The following TGFBRAP1 variants were observed in gnomAD, a reference collection of about 807,000 sequenced individuals.
TGFBRAP1 encodes the protein transforming growth factor beta receptor associated protein 1.
TGFBRAP1 carries 20 observed loss-of-function variants against 83.2 expected under a neutral mutation model. The ratio of observed to expected loss-of-function variants is 0.24; its 90% CI spans 0.17 to 0.35. The LOEUF is 0.35. TGFBRAP1 is among the 10% of genes least tolerant of loss of function. The pLI, the probability that TGFBRAP1 is intolerant of heterozygous loss-of-function variation, is 1.00. For missense variants in TGFBRAP1, 950 were observed against 1,099.4 expected (o/e 0.86, Z 1.92); for synonymous variants, 415 against 459.8 (o/e 0.90, Z 1.25).
At chr2:105,262,856 A>T (rs1676821957), downstream of TGFBRAP1, among the ~76,000 whole-genome samples, 1 of 152,186 alleles carries the variant, frequency 6.6e-6, no homozygotes, top group Admixed American at 6.5e-5. Flanking sequence ...ATCTCCCAAC[A>T]ACTGCTAAGC....
intron 1 of TGFBRAP1, among the ~76,000 whole-genome samples, chr2:105,312,242 A>T (rs1426053771): frequency 1.3e-5 from 2 of 152,202 alleles, no homozygotes; most frequent in African/African-American, 2.4e-5. Context: ...CAGGAAGATC[A>T]CTTGTGCCCA....
intron 1 of TGFBRAP1, among the ~76,000 whole-genome samples, chr2:105,314,940 ACT>A (rs1175059641): frequency 1.4e-5 from 2 of 139,256 alleles, no homozygotes; most frequent in Non-Finnish European, 1.6e-5. Flanking sequence ...ACAGAGCGAG[ACT>A]CTGTCTCAAA....
intron 1 of TGFBRAP1, among the ~76,000 whole-genome samples, chr2:105,312,577 G>C (rs1001523654): frequency 2.6e-5 from 4 of 152,106 alleles, no homozygotes; most frequent in African/African-American, 9.7e-5. Context: ...AATAGGACTA[G>C]AAAAATAAAT....
chr2:105,258,730 T>C, the TGFBRAP1 span, among the ~76,000 whole-genome samples: 7 of 140,612 alleles, frequency 5.0e-5, no homozygotes, highest in African/African-American at 1.1e-4. Flanking sequence ...TCCCCACCCC[T>C]ACACACACAC....
the TGFBRAP1 span, among the ~76,000 whole-genome samples, chr2:105,258,632 T>C: frequency 5.1e-4 from 77 of 152,126 alleles, no homozygotes; most frequent in Non-Finnish European, 8.1e-4. Context: ...CAGAAGCTGA[T>C]GGCAGAACAT....
chr2:105,291,845 G>A (rs1677928176), intron 4 of TGFBRAP1, among the ~76,000 whole-genome samples: 1 of 152,158 alleles, frequency 6.6e-6, no homozygotes, highest in Non-Finnish European at 1.5e-5. Context: ...TGCCAACATG[G>A]AGAAATTTGA....
At chr2:105,295,578 G>A (rs1373204440) in intron 4 of TGFBRAP1, among the ~76,000 whole-genome samples, 1 of 151,934 alleles carries the variant, frequency 6.6e-6, no homozygotes, top group Non-Finnish European at 1.5e-5. Context: ...TTTGGGAGGC[G>A]GAGGCGGGTG....
At chr2:105,293,008 A>G (rs1323791568) in intron 4 of TGFBRAP1, among the ~76,000 whole-genome samples, 43 of 152,282 alleles carry the variant, frequency 2.8e-4, no homozygotes, top group Non-Finnish European at 1.5e-5. Flanking sequence ...ATTAAAAAAA[A>G]AAAGCAAAAA....
Position 105,273,572 on chromosome 2 carries a change from T to C in TGFBRAP1, c.1784A>G (p.Glu595Gly). The C allele has an allele frequency of 6.2e-7, 1 of 1,614,228 alleles. No individual in the cohort carries two copies. Among genetic ancestry groups the C allele is most frequent in the East Asian group, 2.2e-5 (1 of 44,882 alleles). The change falls in exon 9 of 12, where the codon GAA becomes GGA. Residue 595 changes from glutamate (E) to glycine (G), a missense_variant. By Grantham distance (98) the Glu-to-Gly change is moderately conservative. Transcript: ENST00000393359. ...KYPKALVKYL[E>G]HLVIDKRLQK... ...CAGTCTCTTGTCTATCACAAGATGT[T>C]CCAGATACTTCACAAGGGCTTTAGG...
chr2:105,287,082 T>G (rs1357826393), intron 4 of TGFBRAP1, among the ~76,000 whole-genome samples: 1 of 152,052 alleles, frequency 6.6e-6, no homozygotes, highest in Non-Finnish European at 1.5e-5. Context: ...ACGTGCTCAG[T>G]GAAGTCAGCC....
chr2:105,282,562 T>C (rs889482477), intron 5 of TGFBRAP1, among the ~76,000 whole-genome samples: 5 of 152,202 alleles, frequency 3.3e-5, no homozygotes, highest in Admixed American at 1.3e-4. Context: ...TAGTGGCTCA[T>C]GGCTGTGATC....
At position 105,269,102 on chromosome 2, in the gene TGFBRAP1, C is replaced by T. The variant is rs1486345208; in HGVS notation, c.2406+170G>A. On this transcript the variant is annotated intron_variant, in intron 11 of 11. Coordinates refer to ENST00000393359, the MANE Select transcript of TGFBRAP1 (RefSeq NM_004257.6). This position sits in a 1 kb window ranked among gnomAD's most constrained non-coding sequence, Gnocchi z 4.1. ...GTTACACCTACCAGCCCAGCCTCTGCCTCTGCTCACACAGACCTCAGTTTC... is the reference window on the plus strand; with the variant it reads ...GTTACACCTACCAGCCCAGCCTCTGTCTCTGCTCACACAGACCTCAGTTTC... 6.6e-6 allele frequency among the ~76,000 whole-genome samples: 1 copy of T among 152,196 alleles called. No homozygotes were observed.
the TGFBRAP1 span, among the ~76,000 whole-genome samples, chr2:105,250,535 C>T: frequency 1.4e-4 from 21 of 149,916 alleles, no homozygotes; most frequent in Admixed American, 7.4e-4. Flanking sequence ...ATACTGCTGC[C>T]GGGAAGGAAG....
At chr2:105,319,659 T>C (rs953635396) in intron 1 of TGFBRAP1, among the ~76,000 whole-genome samples, 1 of 136,340 alleles carries the variant, frequency 7.3e-6, no homozygotes, top group African/African-American at 2.8e-5. Flanking sequence ...GCCACTGCAC[T>C]CCAGCCTGGG....
intron 4 of TGFBRAP1, among the ~76,000 whole-genome samples, chr2:105,295,534 C>T (rs919245473): frequency 2.0e-5 from 3 of 151,972 alleles, no homozygotes; most frequent in Non-Finnish European, 2.9e-5. Context: ...TTCTCCTGGC[C>T]GGGCACGGTG....
At chr2:105,328,526 AC>A (rs1321453822) in intron 1 of TGFBRAP1, among the ~76,000 whole-genome samples, 1 of 152,200 alleles carries the variant, frequency 6.6e-6, no homozygotes, top group Non-Finnish European at 1.5e-5. Flanking sequence ...AAGCATGTCC[AC>A]CATGAGAGAG....
chr2:105,285,847 G>A (rs1357693408), intron 4 of TGFBRAP1, among the ~76,000 whole-genome samples: 1 of 152,094 alleles, frequency 6.6e-6, no homozygotes, highest in East Asian at 1.9e-4. Flanking sequence ...TTTCTTCACT[G>A]AAACCAGCCA....
chr2:105,292,967 G>A (rs902893613), intron 4 of TGFBRAP1, among the ~76,000 whole-genome samples: 2 of 151,906 alleles, frequency 1.3e-5, no homozygotes, highest in Non-Finnish European at 2.9e-5. Flanking sequence ...AGTAATTTGA[G>A]TGTACAGGCT....
chr2:105,293,934 A>C (rs898378204), intron 4 of TGFBRAP1, among the ~76,000 whole-genome samples: 7 of 152,220 alleles, frequency 4.6e-5, no homozygotes, highest in African/African-American at 1.7e-4. Flanking sequence ...TGAGGTAAGA[A>C]GTCTTTAGCT....
Sources: allele counts gnomAD v4.1 joint callset (sites outside exome capture counted in the v4.1 genomes callset), GRCh38; gene constraint gnomAD v4.1.1; non-coding constraint Gnocchi (gnomAD v3.1); transcripts MANE v1.5; gene names NCBI Gene and HGNC (gene_info 2026-07-23, HGNC 2026-07-21).